Variants in GUCY1A1 observed in about 807,000 individuals in gnomAD.
GUCY1A1 encodes guanylate cyclase 1 soluble subunit alpha 1, also known as guanylate cyclase soluble subunit alpha-1.
A neutral mutation model predicts 64.5 loss-of-function variants in GUCY1A1; 48 were observed. The ratio of observed to expected loss-of-function variants is 0.74; its 90% confidence interval spans 0.59 to 0.95. The LOEUF (loss-of-function observed/expected upper bound fraction) is 0.95. GUCY1A1 is among the 40% of genes least tolerant of loss of function. The pLI, the probability that GUCY1A1 is intolerant of heterozygous loss-of-function variation, is 0.00. For missense variants in GUCY1A1, 804 were observed against 825.3 expected (o/e 0.97, Z 0.32); for synonymous variants, 308 against 303.4 (o/e 1.02, Z -0.16).
intron 2 of GUCY1A1, among the ~76,000 whole-genome samples, chr4:155,672,149 T>G (rs188580513): frequency 3.9e-5 from 6 of 152,292 alleles, no homozygotes; most frequent in Admixed American, 3.3e-4. Flanking sequence ...AAATACTTAC[T>G]GCAATTAAAT....
chr4:155,687,451 G>C (rs1399284682), intron 2 of GUCY1A1, among the ~76,000 whole-genome samples: 1 of 151,934 alleles, frequency 6.6e-6, no homozygotes, highest in African/African-American at 2.4e-5. Flanking sequence ...TTCTTAATTT[G>C]AATCTGTTAC....
At chr4:155,706,382 T>G (rs1731759813) in intron 4 of GUCY1A1, among the ~76,000 whole-genome samples, 1 of 152,234 alleles carries the variant, frequency 6.6e-6, no homozygotes, top group Non-Finnish European at 1.5e-5. Flanking sequence ...CCGTTTTTAT[T>G]GCTGTCAGTT....
chr4:155,732,906 T>G lies in GUCY1A1; in HGVS notation c.*2675T>G, dbSNP rs1735701039. Among the ~76,000 whole-genome samples the G allele has an allele frequency of 6.6e-6, 1 of 151,902 alleles. No individual in the cohort carries two copies. Among genetic ancestry groups the G allele is most frequent in the Admixed American group, 6.6e-5 (1 of 15,212 alleles). On this transcript the variant is annotated 3_prime_UTR_variant, in exon 10 of 10. Transcript: ENST00000506455. The stretch of plus-strand genomic sequence containing the variant: ...ACTATATAAATTATCTCCTTATACA[T>G]ATTTCTCAGGCAAGCACAGAGTTAT...
chr4:155,713,794 C>G (rs2242296), intron 7 of GUCY1A1, among the ~76,000 whole-genome samples: 58,866 of 151,870 alleles, frequency 0.39, 11,555 homozygotes, highest in African/African-American at 0.44. Flanking sequence ...GATAATTGTT[C>G]TGGGAGGACT....
At chr4:155,671,787 A>C (rs1734176222) in intron 2 of GUCY1A1, among the ~76,000 whole-genome samples, 1 of 152,128 alleles carries the variant, frequency 6.6e-6, no homozygotes, top group Admixed American at 6.5e-5. Flanking sequence ...TTTTACATCT[A>C]ACAACTCTTA....
chr4:155,699,252 A>G (rs1730789426), intron 3 of GUCY1A1, among the ~76,000 whole-genome samples: 1 of 151,944 alleles, frequency 6.6e-6, no homozygotes, highest in South Asian at 2.1e-4. Flanking sequence ...GAGCCTCTCA[A>G]ACATTTTCTA....
rs1227112151 is a variant in GUCY1A1, at chr4:155,711,250, G to C, written c.1085G>C (p.Arg362Thr). ...RWDNSVKKSS[R>T]VMDLKGQMIY... Reference sequence around the variant, plus strand: ...GACAACTCTGTGAAAAAATCTTCAAGGGTAAGGAAAACATAATACTATCTT... The same window carrying C: ...GACAACTCTGTGAAAAAATCTTCAACGGTAAGGAAAACATAATACTATCTT... The change falls in exon 6 of 10, where the codon AGG (arginine) becomes ACG (threonine). Residue 362 changes from arginine to threonine, a missense_variant and splice_region_variant. Transcript: ENST00000506455. 1.4e-6 allele frequency: 2 copies of C among 1,467,352 alleles called. No homozygotes were observed. The highest frequency in any genetic ancestry group is 2.3e-5 in the South Asian group (2 of 87,378). 90.9% of individuals were successfully genotyped at this position (1,467,352 alleles called of 1,614,324 possible).
Position 155,676,921 on chromosome 4 carries a change from A to T in GUCY1A1, c.-113+9502A>T, listed in dbSNP as rs564628111. ...CACCTTAAGTGTCACGTTTTCAGGG[A>T]CATGTTTACCAATGTACTGTACAGG... On this transcript the variant is annotated intron_variant, in intron 2 of 9. Coordinates refer to ENST00000506455, the MANE Select transcript of GUCY1A1 (RefSeq NM_001130682.3). 5.9e-5 allele frequency among the ~76,000 whole-genome samples: 9 copies of T among 151,500 alleles called. No homozygotes were observed. In the South Asian group the frequency reaches 1.9e-3, roughly 31 times the overall value.
At chr4:155,690,497 T>A (rs1729592915) in intron 2 of GUCY1A1, among the ~76,000 whole-genome samples, 1 of 152,360 alleles carries the variant, frequency 6.6e-6, no homozygotes, top group Non-Finnish European at 1.5e-5. Context: ...GCCCTTAGAA[T>A]AGAGTATTAT....
rs1560949466 is a variant in GUCY1A1, at chr4:155,710,701, C to G, written c.536C>G (p.Ala179Gly). The G allele has an allele frequency of 3.7e-6, 6 of 1,614,060 alleles. No individual in the cohort carries two copies. The highest frequency in any genetic ancestry group is 5.1e-6 in the Non-Finnish European group (6 of 1,179,982). Residue 179 changes from alanine to glycine, a missense_variant, in exon 6 of 10, where the codon GCA becomes GGA. By Grantham distance (60) the Ala-to-Gly change is moderately conservative. Transcript: ENST00000506455. ...LLKQSSHCQE[A>G]GKRGRLEDAS... ...AAACAGAGCAGCCATTGCCAAGAAG[C>G]AGGAAAAAGGGGCAGGCTTGAGGAC...
Position 155,696,948 on chromosome 4 carries a change from C to G in GUCY1A1, c.81C>G (p.Asn27Lys), listed in dbSNP as rs143996260. ...FSLLAPGQVP[N>K]ESSEEAAGSS... is the part of the protein sequence containing the mutation. ...TACTGGCACCAGGTCAAGTTCCTAA[C>G]GAGTCTTCAGAGGAGGCAGCAGGAA... Residue 27 changes from asparagine to lysine, a missense_variant, in exon 3 of 10, where the codon AAC becomes AAG. Physicochemically the swap from Asn to Lys is moderately conservative, Grantham distance 94. Coordinates refer to ENST00000506455, the MANE Select transcript of GUCY1A1 (RefSeq NM_001130682.3). 30 of 1,613,046 alleles carry G rather than the reference C, an allele frequency of 1.9e-5. No individual in the cohort carries two copies. Among genetic ancestry groups the G allele is most frequent in the Non-Finnish European group, 2.4e-5 (28 of 1,179,084 alleles).
chr4:155,719,204 T>C (rs1733648390), intron 8 of GUCY1A1, among the ~76,000 whole-genome samples: 1 of 152,148 alleles, frequency 6.6e-6, no homozygotes, highest in Non-Finnish European at 1.5e-5. Flanking sequence ...ACCTGGGTAA[T>C]GATAGATTAG....
chr4:155,722,432 T>A, intron 9 of GUCY1A1: 1 of 1,326,202 alleles, frequency 7.5e-7, no homozygotes, highest in Non-Finnish European at 9.6e-7. Flanking sequence ...TATTACATAG[T>A]CTTCCATCAT....
intron 9 of GUCY1A1, among the ~76,000 whole-genome samples, chr4:155,723,627 C>CATTT (rs3070258): frequency 1.7e-4 from 25 of 147,716 alleles, no homozygotes; most frequent in Admixed American, 2.7e-4. Flanking sequence ...TCTTCTTCTG[C>CATTT]ATTTATTTAT....
At chr4:155,718,965 T>C (rs1051421868) in intron 8 of GUCY1A1, among the ~76,000 whole-genome samples, 2 of 152,200 alleles carry the variant, frequency 1.3e-5, no homozygotes, top group Non-Finnish European at 2.9e-5. Context: ...GGACTATATA[T>C]TTCTTTCTCT....
rs368774664 is a variant in GUCY1A1, at chr4:155,710,813, C to T, written c.648C>T (p.Pro216=). 57 of 1,613,878 alleles carry T rather than the reference C, an allele frequency of 3.5e-5. No homozygotes were observed. Among genetic ancestry groups the T allele is most frequent in the South Asian group, 6.6e-5 (6 of 91,070 alleles). The change falls in exon 6 of 10, where the codon CCC becomes CCT. Residue 216 remains proline, a synonymous_variant. Transcript: ENST00000506455. ...AGAGAACCACCTCCCTGATTCTTCC[C>T]GGCATCATAAAGGCAGCTGCTCACG... ...FPKRTTSLIL[P]GIIKAAAHVL... is the part of the protein sequence containing the mutation.
chr4:155,726,802 AG>A (rs1734745533), intron 9 of GUCY1A1, among the ~76,000 whole-genome samples: 1 of 151,980 alleles, frequency 6.6e-6, no homozygotes, highest in South Asian at 2.1e-4. Flanking sequence ...TCTTGAAGTA[AG>A]GAAAACTAAT....
Position 155,734,938 on chromosome 4 carries a change from G to A in GUCY1A1, c.*4707G>A, listed in dbSNP as rs965185200. ...CTGAAAGCCATAAGCTTACAGTAAC[G>A]GAGCCAATTAATCCTTTGTCATCTT... On this transcript the variant is annotated 3_prime_UTR_variant, in exon 10 of 10. Transcript: ENST00000506455. 6.6e-6 allele frequency: 1 copy of A among 151,860 alleles called. No homozygotes were observed. Among genetic ancestry groups the A allele is most frequent in the Non-Finnish European group, 1.5e-5 (1 of 67,914 alleles). The allele number at this position is 151,860 out of a possible 1,614,324, so 9.4% of individuals were successfully genotyped here.
chr4:155,690,141 A>G (rs972141719), intron 2 of GUCY1A1, among the ~76,000 whole-genome samples: 5 of 152,226 alleles, frequency 3.3e-5, no homozygotes, highest in African/African-American at 1.2e-4. Flanking sequence ...AGGCTTGGTT[A>G]AGATTGAATA....
Sources: allele counts gnomAD v4.1 joint callset (sites outside exome capture counted in the v4.1 genomes callset), GRCh38; gene constraint gnomAD v4.1.1; transcripts MANE v1.5; gene names NCBI Gene and HGNC (gene_info 2026-07-23, HGNC 2026-07-21).